Variants in TNXB observed in about 807,000 individuals in gnomAD.
The protein encoded by TNXB is tenascin-X.
A neutral mutation model predicts 340.5 loss-of-function variants in TNXB; 183 were observed. That is an observed-to-expected ratio of 0.54 (90% confidence interval 0.48 to 0.61). TNXB has a LOEUF of 0.61. Among genes scored for constraint, TNXB ranks in the 20% least tolerant of loss-of-function variants. The pLI is 0.00. For synonymous variants in TNXB, 2,121 were observed against 2,314.5 expected, an observed-to-expected ratio of 0.92 and a Z score of 2.40; for missense variants, 4,613 against 5,446.4, an observed-to-expected ratio of 0.85 and a Z score of 4.82.
chr6:32,102,230 T>C (rs1361669303), intron 1 of TNXB, among the ~76,000 whole-genome samples: 2 of 152,222 alleles, frequency 1.3e-5, no homozygotes, highest in Non-Finnish European at 2.9e-5. Context: ...CACTGGAAAG[T>C]TGTTTGGTAG....
At chr6:32,107,093 T>C (rs2127310098) in intron 1 of TNXB, among the ~76,000 whole-genome samples, 1 of 152,326 alleles carries the variant, frequency 6.6e-6, no homozygotes, top group Non-Finnish European at 1.5e-5. Context: ...GGCAGCTCTG[T>C]GAGTGAAAGA....
rs1432464496 is a variant in TNXB at position 32,074,770 on chromosome 6, T to A, written c.4376-818A>T. On this transcript the variant is annotated intron_variant, in intron 11 of 43. Transcript: ENST00000644971. This position sits in a 1 kb window ranked among gnomAD's most constrained non-coding sequence, Gnocchi z 5.5. ...CTCTCGGCTCACCGCAACCTACGCCTCCTGGGTTCAAGCGATTCTCCTGCC... is the reference window on the plus strand; with the variant it reads ...CTCTCGGCTCACCGCAACCTACGCCACCTGGGTTCAAGCGATTCTCCTGCC... 6.6e-6 allele frequency among the ~76,000 whole-genome samples: 1 copy of A among 152,284 alleles called. No individual in the cohort carries two copies. The highest frequency in any genetic ancestry group is 2.1e-4 in the South Asian group (1 of 4,824).
At chr6:32,104,482 T>C (rs962631374) in intron 1 of TNXB, among the ~76,000 whole-genome samples, 5 of 152,292 alleles carry the variant, frequency 3.3e-5, no homozygotes, top group Middle Eastern at 3.4e-3. Flanking sequence ...AGAAACCTAA[T>C]AGCCCATTCA....
rs961992616 is a variant in TNXB at position 32,097,616 on chromosome 6, C to G, written c.404-167G>C. ...AATGTATGCAGCCTCTCAGGGCCCT[C>G]GCATATGCTTTGGTTGACATGTAGC... On this transcript the variant is annotated intron_variant, in intron 2 of 43. Transcript: ENST00000644971. This position sits in a 1 kb window ranked among gnomAD's most constrained non-coding sequence, Gnocchi z 5.9. The G allele has an allele frequency of 9.1e-7, 1 of 1,095,126 alleles. No homozygotes were observed. The highest frequency in any genetic ancestry group is 1.3e-6 in the Non-Finnish European group (1 of 788,952). The allele number at this position is 1,095,126 out of a possible 1,614,324, so 67.8% of individuals were successfully genotyped here. A position where few individuals can be genotyped will look rare whatever the true frequency, so the allele number is the denominator to read the frequency against.
At chr6:32,093,039 C>T (rs755149570) in intron 4 of TNXB, among the ~76,000 whole-genome samples, 4 of 152,240 alleles carry the variant, frequency 2.6e-5, no homozygotes, top group Non-Finnish European at 5.9e-5. Context: ...CACCAAGGAT[C>T]GGTTTGTATT....
chr6:32,045,964 G>C, intron 31 of TNXB: 1 of 1,306,256 alleles, frequency 7.7e-7, no homozygotes, highest in Non-Finnish European at 9.7e-7. Flanking sequence ...CCCCTCCCAG[G>C]GCCTTTCCCT....
chr6:32,093,458 T>C (rs1462050106), intron 4 of TNXB: 2 of 690,252 alleles, frequency 2.9e-6, no homozygotes, highest in African/African-American at 3.5e-5. Flanking sequence ...GGGGCTGGCC[T>C]GAGGAGCATA....
In TNXB at chr6:32,069,072, G is replaced by T. The variant is rs371257003; in HGVS notation, c.5652C>A (p.Leu1884=). ...TGGCCTCCTCCACTGTCAACTCCCCGAGGTGGGGCTCAGGCGCTGGAGGGG... is the reference window on the plus strand; with the variant it reads ...TGGCCTCCTCCACTGTCAACTCCCCTAGGTGGGGCTCAGGCGCTGGAGGGG... The part of the protein sequence containing the change: ...APTPPAPEPH[L]GELTVEEATS... Residue 1884 remains leucine (L), a synonymous_variant, in exon 16 of 44, where the codon CTC becomes CTA. Coordinates refer to ENST00000644971, the MANE Select transcript of TNXB (RefSeq NM_001365276.2). This position sits in a 1 kb window ranked among gnomAD's most constrained non-coding sequence, Gnocchi z 6.2. 7.4e-6 allele frequency: 12 copies of T among 1,612,748 alleles called. No homozygotes were observed. Among genetic ancestry groups the T allele is most frequent in the Admixed American group, 1.7e-5 (1 of 60,022 alleles).
At chr6:32,059,807 C>G (rs1291900350) in intron 21 of TNXB, among the ~76,000 whole-genome samples, 1 of 151,960 alleles carries the variant, frequency 6.6e-6, no homozygotes, top group Admixed American at 6.5e-5. Context: ...TCGCACCTCA[C>G]TTGGTGCCAC....
In TNXB at chr6:32,065,131, G is replaced by C; in HGVS notation, c.6545-14C>G. On this transcript the variant is annotated splice_polypyrimidine_tract_variant and intron_variant, in intron 18 of 43. Coordinates refer to ENST00000644971, the MANE Select transcript of TNXB (RefSeq NM_001365276.2). Reference sequence around the variant, plus strand: ...CCTCTTCGGGGGCTAGGAAGAGATAGAAACAGAATCTTTTCTCTTGCTGCA... The same window carrying C: ...CCTCTTCGGGGGCTAGGAAGAGATACAAACAGAATCTTTTCTCTTGCTGCA... The C allele has an allele frequency of 6.5e-7, 1 of 1,538,682 alleles. No homozygotes were observed. The highest frequency in any genetic ancestry group is 8.8e-7 in the Non-Finnish European group (1 of 1,139,010).
chr6:32,087,397 T>C lies in TNXB; in HGVS notation c.2780-1279A>G, dbSNP rs1177323971. On this transcript the variant is annotated intron_variant, in intron 6 of 43. Coordinates refer to ENST00000644971, the MANE Select transcript of TNXB (RefSeq NM_001365276.2). This position sits in a 1 kb window ranked among gnomAD's most constrained non-coding sequence, Gnocchi z 9.0. The stretch of plus-strand genomic sequence containing the variant: ...CACAGTCAGCTCACCGCCGGGGCCC[T>C]CTGCAGGCGGCTGAGGCCGCCAGCG... The C allele has an allele frequency of 2.1e-6, 1 of 470,944 alleles. No individual in the cohort carries two copies. Among genetic ancestry groups the C allele is most frequent in the Non-Finnish European group, 4.2e-6 (1 of 236,244 alleles). 29.2% of individuals were successfully genotyped at this position (470,944 alleles called of 1,614,324 possible). A position where few individuals can be genotyped will look rare whatever the true frequency, so the allele number is the denominator to read the frequency against.
rs772260386 is a variant in TNXB at position 32,094,294 on chromosome 6, GA to G, written c.2358+781del. On this transcript the variant is annotated intron_variant, in intron 4 of 43. Coordinates refer to ENST00000644971, the MANE Select transcript of TNXB (RefSeq NM_001365276.2). ...CAAATGCAAAGGCCTATATTTAGGT[GA>G]AAAAAAAAAAAGTGTATATAGTTGA... 3.1e-3 allele frequency among the ~76,000 whole-genome samples: 434 copies of G among 140,840 alleles called. 1 individual carries two copies. Among genetic ancestry groups the G allele is most frequent in the African/African-American group, 6.3e-3 (244 of 38,612 alleles). The allele number at this position is 140,840 out of a possible 152,430, so 92.4% of individuals were successfully genotyped here.
chr6:32,100,595 G>A (rs1780666043), intron 1 of TNXB, among the ~76,000 whole-genome samples: 1 of 151,954 alleles, frequency 6.6e-6, no homozygotes, highest in South Asian at 2.1e-4. Context: ...TGGGCGTGGT[G>A]GTACACCTGT....
At position 32,082,427 on chromosome 6, in the gene TNXB, C is replaced by T; in HGVS notation, c.3446-101G>A. 1 of 1,250,328 alleles carries T rather than the reference C, an allele frequency of 8.0e-7. No homozygotes were observed. 77.5% of individuals were successfully genotyped at this position (1,250,328 alleles called of 1,614,324 possible). On this transcript the variant is annotated intron_variant, in intron 8 of 43. Transcript: ENST00000644971. The surrounding 1 kb of genome is among the most constrained non-coding windows in gnomAD (Gnocchi z 5.0). ...GCTGTGTGAGGCTGTGCAGGTTGTT[C>T]ACTGCACAAAAGTGCATTTGCTGAG...
At position 32,063,404 on chromosome 6, in the gene TNXB, G is replaced by GAA. The variant is rs529135591; in HGVS notation, c.6842-923_6842-922dup. ...GAGTGAGACTCCATCTCAACATAAA[G>GAA]AAAAAAAAAAAAAAGAAAACAAAGA... On this transcript the variant is annotated intron_variant, in intron 19 of 43. Coordinates refer to ENST00000644971, the MANE Select transcript of TNXB (RefSeq NM_001365276.2). Among the ~76,000 whole-genome samples the GAA allele has an allele frequency of 2.6e-3, 287 of 110,946 alleles. 2 individuals are homozygous for GAA. The highest frequency in any genetic ancestry group is 8.8e-3 in the African/African-American group (273 of 31,126). The allele number at this position is 110,946 out of a possible 152,430, so 72.8% of individuals were successfully genotyped here.
rs773643246 is a variant in TNXB at position 32,062,292 on chromosome 6, T to C, written c.7033A>G (p.Lys2345Glu). ...VQYKNGDGQP[K>E]ATRVPGHEDR... ...TCATGTCCTGGCACCCGTGTTGCCT[T>C]GGGCTGCCCATCCCCATTCTTGTAC... Residue 2345 changes from lysine to glutamate, a missense_variant, in exon 20 of 44, where the codon AAG becomes GAG. Coordinates refer to ENST00000644971, the MANE Select transcript of TNXB (RefSeq NM_001365276.2). This position sits in a 1 kb window ranked among gnomAD's most constrained non-coding sequence, Gnocchi z 4.3. 1.2e-6 allele frequency: 2 copies of C among 1,613,468 alleles called. No individual in the cohort carries two copies. The highest frequency in any genetic ancestry group is 2.2e-5 in the South Asian group (2 of 91,076).
intron 25 of TNXB, 82 bp downstream of exon 25, chr6:32,053,306 C>T: frequency 7.8e-6 from 12 of 1,536,708 alleles, no homozygotes; most frequent in Non-Finnish European, 1.1e-5. Context: ...AGCAGAGGGG[C>T]TTCCTGGGCC....
chr6:32,067,227 G>A lies in TNXB; in HGVS notation c.6544+434C>T, dbSNP rs1350898540. 6.6e-6 allele frequency among the ~76,000 whole-genome samples: 1 copy of A among 152,144 alleles called. No individual in the cohort carries two copies. Among genetic ancestry groups the A allele is most frequent in the Admixed American group, 6.5e-5 (1 of 15,278 alleles). On this transcript the variant is annotated intron_variant, in intron 18 of 43. Transcript: ENST00000644971. This position sits in a 1 kb window ranked among gnomAD's most constrained non-coding sequence, Gnocchi z 4.2. Reference sequence around the variant, plus strand: ...TAGTGGAGGAAGTGGGTGGGGCAGAGATGAGCCAGACTGGCCAGAAGTCGA... The same window carrying A: ...TAGTGGAGGAAGTGGGTGGGGCAGAAATGAGCCAGACTGGCCAGAAGTCGA...
chr6:32,088,693 G>A (rs2127272069), intron 6 of TNXB, 92 bp downstream of exon 6: 1 of 1,490,126 alleles, frequency 6.7e-7, no homozygotes, highest in Non-Finnish European at 9.0e-7. Context: ...GAAGCATTCA[G>A]AGGAGTCTGT....
Sources: allele counts gnomAD v4.1 joint callset (sites outside exome capture counted in the v4.1 genomes callset), GRCh38; gene constraint gnomAD v4.1.1; non-coding constraint Gnocchi (gnomAD v3.1); transcripts MANE v1.5; gene names NCBI Gene and HGNC (gene_info 2026-07-23, HGNC 2026-07-21).